NAALADL2: variants seen among roughly 807,000 people sequenced by gnomAD.
NAALADL2 encodes the protein inactive N-acetylated-alpha-linked acidic dipeptidase-like protein 2.
A neutral mutation model predicts 87.2 loss-of-function variants in NAALADL2; 76 were observed. The ratio of observed to expected loss-of-function variants is 0.87; its 90% CI spans 0.72 to 1.05. The LOEUF is 1.05. NAALADL2 is among the 50% of genes least tolerant of loss of function. The pLI is 0.00. For synonymous variants in NAALADL2, 354 were observed against 331.0 expected (o/e 1.07, Z -0.75); for missense variants, 1,089 against 945.8 (o/e 1.15, Z -1.99).
intron 3 of NAALADL2, among the ~76,000 whole-genome samples, chr3:175,246,673 G>C (rs141547214): frequency 1.5e-3 from 232 of 152,198 alleles, no homozygotes; most frequent in African/African-American, 5.4e-3. Context: ...GCTGATTGTA[G>C]GAAATAATAA....
At chr3:174,723,859 T>C (rs939083724) in intron 2 of NAALADL2, among the ~76,000 whole-genome samples, 3 of 149,392 alleles carry the variant, frequency 2.0e-5, no homozygotes, top group Non-Finnish European at 3.0e-5. Flanking sequence ...TGGAAAAATA[T>C]TAGTTTTTAT....
At chr3:174,856,285 C>T (rs912046647), upstream of NAALADL2, among the ~76,000 whole-genome samples, 8 of 152,068 alleles carry the variant, frequency 5.3e-5, no homozygotes, top group Admixed American at 3.3e-4. Context: ...GGATTACAGT[C>T]GTGAGCTCCT....
At chr3:174,512,220 C>T (rs1719646241) in intron 1 of NAALADL2, among the ~76,000 whole-genome samples, 1 of 152,060 alleles carries the variant, frequency 6.6e-6, no homozygotes, top group South Asian at 2.1e-4. Flanking sequence ...TTTTATTGGG[C>T]TTAGATTGGT....
chr3:174,824,616 AAGTT>A (rs1721785791), intron 3 of NAALADL2, among the ~76,000 whole-genome samples: 2 of 152,334 alleles, frequency 1.3e-5, no homozygotes, highest in South Asian at 4.1e-4. Flanking sequence ...GAATATAATA[AAGTT>A]AGTTTAGTTT....
At chr3:175,590,560 C>T (rs1721286756) in intron 10 of NAALADL2, among the ~76,000 whole-genome samples, 1 of 152,004 alleles carries the variant, frequency 6.6e-6, no homozygotes, top group Non-Finnish European at 1.5e-5. Context: ...TCAAATTTAG[C>T]AAGGTATGAA....
intron 11 of NAALADL2, among the ~76,000 whole-genome samples, chr3:175,639,675 A>C (rs950671910): frequency 2.0e-5 from 3 of 152,064 alleles, no homozygotes; most frequent in African/African-American, 7.2e-5. Flanking sequence ...TGATACACTA[A>C]ATTTTCTCCA....
rs192195959 is a variant in NAALADL2, at chr3:175,365,772, A to G, written c.1090+41447A>G. Among the ~76,000 whole-genome samples the G allele has an allele frequency of 2.0e-3, 298 of 147,796 alleles. 19 individuals carry two copies. Among genetic ancestry groups the G allele is most frequent in the African/African-American group, 6.4e-3 (260 of 40,752 alleles). On this transcript the variant is annotated intron_variant, in intron 5 of 13. Transcript: ENST00000454872. ...ATTATGAGGCTTTGATGTATTTTCA[A>G]TGGAATTTATAATTTTGCAAAATAT... is the stretch of plus-strand genomic sequence containing the variant.
chr3:175,235,847 A>G (rs1745747008), intron 3 of NAALADL2: 1 of 152,166 alleles, frequency 6.6e-6, no homozygotes, highest in South Asian at 2.1e-4. Flanking sequence ...TGAAACTACA[A>G]CTTGTATCCT....
chr3:175,276,185 CAG>C, intron 4 of NAALADL2, among the ~76,000 whole-genome samples: 1 of 148,870 alleles, frequency 6.7e-6, no homozygotes, highest in African/African-American at 2.4e-5. Flanking sequence ...ATTATTTAAA[CAG>C]AATTAATCAA....
intron 9 of NAALADL2, among the ~76,000 whole-genome samples, chr3:175,526,097 T>C (rs1220101981): frequency 6.6e-6 from 1 of 152,202 alleles, no homozygotes; most frequent in Non-Finnish European, 1.5e-5. Context: ...TATCAGCCTT[T>C]TTAAAAATGA....
At chr3:174,948,198 A>T (rs1266781831) in intron 1 of NAALADL2, among the ~76,000 whole-genome samples, 2 of 142,706 alleles carry the variant, frequency 1.4e-5, no homozygotes, top group Non-Finnish European at 2.9e-5. Flanking sequence ...TATTTTTGAG[A>T]TGGAGTCTTG....
At chr3:175,110,204 A>G (rs1334745539) in intron 2 of NAALADL2, among the ~76,000 whole-genome samples, 1 of 151,840 alleles carries the variant, frequency 6.6e-6, no homozygotes, top group Non-Finnish European at 1.5e-5. Flanking sequence ...AAGCAAGTTA[A>G]GGATGATACG....
chr3:175,283,472 C>A (rs1754576984), intron 4 of NAALADL2, among the ~76,000 whole-genome samples: 1 of 152,080 alleles, frequency 6.6e-6, no homozygotes, highest in East Asian at 1.9e-4. Context: ...CATTTTATGG[C>A]AGTTTTCTTC....
At chr3:174,971,901 T>C (rs979014692) in intron 1 of NAALADL2, among the ~76,000 whole-genome samples, 4 of 152,152 alleles carry the variant, frequency 2.6e-5, no homozygotes, top group Non-Finnish European at 4.4e-5. Flanking sequence ...TTTCACCATA[T>C]TGGTCAGGCT....
At chr3:175,414,743 A>G (rs2149101585) in intron 5 of NAALADL2, among the ~76,000 whole-genome samples, 1 of 152,286 alleles carries the variant, frequency 6.6e-6, no homozygotes, top group South Asian at 2.1e-4. Context: ...CAAACATGAA[A>G]GTGGTCTTGA....
intron 2 of NAALADL2, among the ~76,000 whole-genome samples, chr3:175,186,143 C>T (rs963581703): frequency 1.3e-5 from 2 of 151,926 alleles, no homozygotes; most frequent in African/African-American, 2.4e-5. Context: ...GAGTGATGTA[C>T]GACATATTGT....
intron 3 of NAALADL2, among the ~76,000 whole-genome samples, chr3:174,788,194 C>T (rs1319063976): frequency 6.6e-6 from 1 of 152,018 alleles, no homozygotes; most frequent in African/African-American, 2.4e-5. Context: ...ATGAGATATT[C>T]CAAAAGTTTG....
At chr3:174,759,267 A>G (rs576860755) in intron 3 of NAALADL2, among the ~76,000 whole-genome samples, 2 of 152,298 alleles carry the variant, frequency 1.3e-5, no homozygotes, top group East Asian at 3.9e-4. Context: ...AGATGTTTTA[A>G]ATGGATTTGC....
intron 3 of NAALADL2, among the ~76,000 whole-genome samples, chr3:174,802,311 G>A (rs1251839985): frequency 6.6e-6 from 1 of 151,868 alleles, no homozygotes; most frequent in Non-Finnish European, 1.5e-5. Context: ...AAATTTCTAA[G>A]TACTGATTGT....
Sources: gnomAD v4.1 joint callset for allele counts (sites outside exome capture counted in the v4.1 genomes callset) on GRCh38, gnomAD v4.1.1 for gene constraint, MANE v1.5 for transcripts, NCBI Gene and HGNC (gene_info 2026-07-23, HGNC 2026-07-21) for gene names.